Variants in TLR5 observed in about 807,000 individuals in gnomAD.
TLR5 encodes the protein toll-like receptor 5.
For synonymous variants in TLR5, 373 were observed against 384.4 expected (o/e 0.97, Z 0.35); for missense variants, 944 against 999.8 (o/e 0.94, Z 0.75).
intron 2 of TLR5, among the ~76,000 whole-genome samples, chr1:223,139,105 C>T (rs79855040): frequency 0.017 from 2,542 of 152,302 alleles, 136 homozygotes; most frequent in East Asian, 0.11. Flanking sequence ...AACTTCTTTC[C>T]TTTATAAATT....
intron 4 of TLR5, among the ~76,000 whole-genome samples, chr1:223,133,973 A>G (rs1571762459): frequency 6.6e-6 from 1 of 152,210 alleles, no homozygotes; most frequent in South Asian, 2.1e-4. Context: ...TCGCTTGCGC[A>G]GTAGAGTGCA....
chr1:223,136,314 G>C (rs939634418), intron 3 of TLR5, among the ~76,000 whole-genome samples: 2 of 152,198 alleles, frequency 1.3e-5, no homozygotes, highest in South Asian at 2.1e-4. Flanking sequence ...TGGACCAGAT[G>C]GGGGAGCAGG....
In TLR5 at chr1:223,111,193, A is replaced by T. The variant is rs1656313657; in HGVS notation, c.1839T>A (p.Pro613=). 1 of 1,614,122 alleles carries T rather than the reference A, an allele frequency of 6.2e-7. No individual in the cohort carries two copies. The highest frequency in any genetic ancestry group is 1.7e-5 in the Admixed American group (1 of 60,010). ...AGAGGGAAACCCCAGAGAACGAGTC[A>T]GGGTACACACAATATATGTCTGCAG... ...GPPADIYCVY[P]DSFSGVSLFS... is the part of the protein sequence containing the mutation. Residue 613 remains proline, a synonymous_variant, in exon 6 of 6, where the codon CCT becomes CCA. Transcript: ENST00000642603.
intron 1 of TLR5, 51 bp from the exon 2 acceptor site, chr1:223,141,814 TATATATATAG>T (rs1194664769): frequency 3.3e-3 from 154 of 46,834 alleles, no homozygotes; most frequent in African/African-American, 7.2e-3. Context: ...TATATATATA[TATATATATAG>T]AGAGAGAGAG....
At chr1:223,126,386 G>T (rs1010388903) in intron 5 of TLR5, among the ~76,000 whole-genome samples, 12 of 152,326 alleles carry the variant, frequency 7.9e-5, no homozygotes, top group Non-Finnish European at 1.3e-4. Flanking sequence ...CAGAGTTTCA[G>T]TCTGGGATGA....
At chr1:223,117,031 G>C (rs1211625172) in intron 5 of TLR5, among the ~76,000 whole-genome samples, 2 of 152,186 alleles carry the variant, frequency 1.3e-5, no homozygotes, top group East Asian at 3.9e-4. Context: ...CCGTTGGGGA[G>C]GCTTGGCCGC....
At chr1:223,114,988 C>T (rs1009653131) in intron 5 of TLR5, among the ~76,000 whole-genome samples, 2 of 152,176 alleles carry the variant, frequency 1.3e-5, no homozygotes, top group African/African-American at 4.8e-5. Context: ...ACTGGAGACT[C>T]CTCACTGGCT....
At chr1:223,138,243 T>A (rs1481283436) in intron 2 of TLR5, among the ~76,000 whole-genome samples, 3 of 151,890 alleles carry the variant, frequency 2.0e-5, no homozygotes, top group Non-Finnish European at 4.4e-5. Flanking sequence ...AGGCATGAAC[T>A]ACTGTACCCA....
chr1:223,128,333 T>C (rs1657255973), intron 5 of TLR5: 1 of 152,260 alleles, frequency 6.6e-6, no homozygotes, highest in African/African-American at 2.4e-5. Flanking sequence ...GCATGTGTTG[T>C]TCAGGACCGG....
chr1:223,117,173 G>A (rs1022009902), intron 5 of TLR5, among the ~76,000 whole-genome samples: 3 of 152,068 alleles, frequency 2.0e-5, no homozygotes, highest in East Asian at 1.9e-4. Flanking sequence ...TGGGGGACCC[G>A]GGGCCCCCTT....
intron 5 of TLR5, among the ~76,000 whole-genome samples, chr1:223,116,266 A>G (rs851137): frequency 0.66 from 100,696 of 151,986 alleles, 34,634 homozygotes; most frequent in African/African-American, 0.85. Flanking sequence ...TGTGTCTGGG[A>G]TTTGTTCCTT....
chr1:223,111,517 T>C lies in TLR5; in HGVS notation c.1515A>G (p.Gln505=), dbSNP rs1280276016. 1 of 1,614,028 alleles carries C rather than the reference T, an allele frequency of 6.2e-7. No individual in the cohort carries two copies. Among genetic ancestry groups the C allele is most frequent in the Non-Finnish European group, 8.5e-7 (1 of 1,180,042 alleles). Residue 505 remains glutamine (Q), a synonymous_variant, in exon 6 of 6, where the codon CAA becomes CAG. Coordinates refer to ENST00000642603, the MANE Select transcript of TLR5 (RefSeq NM_003268.6). ...WDVFEGLSHL[Q]VLYLNHNYLN... ...GATAGTTATGATTCAAATACAGAAC[T>C]TGAAGATGAGAAAGTCCCTCAAAAA... is the stretch of plus-strand genomic sequence containing the variant.
rs1657438728 is a variant in TLR5 at position 223,132,560 on chromosome 1, A to G, written c.-90T>C. 1 of 152,310 alleles carries G rather than the reference A, an allele frequency of 6.6e-6. No homozygotes were observed. The highest frequency in any genetic ancestry group is 1.5e-5 in the Non-Finnish European group (1 of 68,034). The allele number at this position is 152,310 out of a possible 1,614,324, so 9.4% of individuals were successfully genotyped here. ...GGTTGTTTAAAGACTTCAGTTCCTG[A>G]GACTATAGGAATCTCATCACAGTGA... On this transcript the variant is annotated 5_prime_UTR_variant, in exon 5 of 6. Transcript: ENST00000642603.
chr1:223,132,162 A>G (rs558668365), intron 5 of TLR5, among the ~76,000 whole-genome samples: 3 of 152,216 alleles, frequency 2.0e-5, no homozygotes, highest in Non-Finnish European at 4.4e-5. Flanking sequence ...CAGGAGTTCT[A>G]TACCACCCTG....
At position 223,110,262 on chromosome 1, in the gene TLR5, T is replaced by C. The variant is rs1656248958; in HGVS notation, c.*193A>G. ...CTAAGGGCAGTTGCAATTTTCTAGA[T>C]CTATTATTTTCCATTTGGAGGTTAG... On this transcript the variant is annotated 3_prime_UTR_variant, in exon 6 of 6. Coordinates refer to ENST00000642603, the MANE Select transcript of TLR5 (RefSeq NM_003268.6). The C allele has an allele frequency of 4.8e-6, 3 of 626,834 alleles. No individual in the cohort carries two copies. Among genetic ancestry groups the C allele is most frequent in the Non-Finnish European group, 8.2e-6 (3 of 363,884 alleles). The allele number at this position is 626,834 out of a possible 1,614,324, so 38.8% of individuals were successfully genotyped here. A position where few individuals can be genotyped will look rare whatever the true frequency, so the allele number is the denominator to read the frequency against.
intron 1 of TLR5, 59 bp from the exon 2 acceptor site, chr1:223,141,822 T>TAGAGAGAGAGAGAGAGAGAGAGAGAG (rs71592351): frequency 2.3e-5 from 1 of 42,992 alleles, no homozygotes; most frequent in Non-Finnish European, 4.3e-5. Flanking sequence ...TATATATATA[T>TAGAGAGAGAGAGAGAGAGAGAGAGAG]AGAGAGAGAG....
chr1:223,114,076 A>G (rs1656505289), intron 5 of TLR5, among the ~76,000 whole-genome samples: 1 of 152,236 alleles, frequency 6.6e-6, no homozygotes, highest in South Asian at 2.1e-4. Flanking sequence ...GATCGGTTTA[A>G]TAAAAGTGTG....
At chr1:223,123,895 A>C (rs1341872017) in intron 5 of TLR5, 1 of 152,198 alleles carries the variant, frequency 6.6e-6, no homozygotes, top group African/African-American at 2.4e-5. Context: ...TGCGCCATCT[A>C]GTGGTTATAG....
Position 223,109,706 on chromosome 1 carries a change from T to A in TLR5, c.*749A>T, listed in dbSNP as rs1005498724. 2.0e-5 allele frequency: 3 copies of A among 152,590 alleles called. No individual in the cohort carries two copies. The highest frequency in any genetic ancestry group is 7.2e-5 in the African/African-American group (3 of 41,448). The allele number at this position is 152,590 out of a possible 1,614,324, so 9.5% of individuals were successfully genotyped here. On this transcript the variant is annotated 3_prime_UTR_variant, in exon 6 of 6. Coordinates refer to ENST00000642603, the MANE Select transcript of TLR5 (RefSeq NM_003268.6). ...CTGTGTGCAAAGTCCATGTTCTTCA[T>A]GCAACAGCCTGAGCAGCTGATCAAT...
Sources: gnomAD v4.1 joint callset for allele counts (sites outside exome capture counted in the v4.1 genomes callset) on GRCh38, gnomAD v4.1.1 for gene constraint, MANE v1.5 for transcripts, NCBI Gene and HGNC (gene_info 2026-07-23, HGNC 2026-07-21) for gene names.